The following GTF2F2 variants were observed in gnomAD, a reference collection of about 807,000 sequenced individuals.
The protein encoded by GTF2F2 is general transcription factor IIF subunit 2, also known as ATP-dependent helicase GTF2F2.
GTF2F2 carries 23 observed loss-of-function variants against 42.2 expected under a neutral mutation model. That is an observed-to-expected ratio of 0.55 (90% CI 0.39 to 0.77). The LOEUF (loss-of-function observed/expected upper bound fraction) is 0.77. Among genes scored for constraint, GTF2F2 ranks in the 30% least tolerant of loss-of-function variants. GTF2F2 has a pLI of 0.00. For synonymous variants in GTF2F2, 105 were observed against 100.8 expected (o/e 1.04, Z -0.25); for missense variants, 261 against 287.2 (o/e 0.91, Z 0.66).
intron 4 of GTF2F2, among the ~76,000 whole-genome samples, chr13:45,169,450 T>C (rs976214213): frequency 2.6e-5 from 4 of 152,156 alleles, no homozygotes; most frequent in Non-Finnish European, 4.4e-5. Flanking sequence ...CCCAGTACTA[T>C]GAGAAAATAC....
At chr13:45,256,016 C>T (rs1409259486) in intron 6 of GTF2F2, among the ~76,000 whole-genome samples, 2 of 152,146 alleles carry the variant, frequency 1.3e-5, no homozygotes, top group Non-Finnish European at 2.9e-5. Flanking sequence ...AATAATGCTT[C>T]TCTCTATTAT....
rs571614649 is a variant in GTF2F2, at chr13:45,205,532, G to T, written c.305-1892G>T. Among the ~76,000 whole-genome samples, 5 of 152,234 alleles carry T rather than the reference G, an allele frequency of 3.3e-5. No individual in the cohort carries two copies. In the East Asian group the frequency reaches 9.7e-4, roughly 29 times the overall value. The stretch of plus-strand genomic sequence containing the variant: ...AGTCTAGATTTATTTTATTTATTTA[G>T]TTTTTTGAGACGGAGTCTTGCTCTG... On this transcript the variant is annotated intron_variant, in intron 4 of 7. Coordinates refer to ENST00000340473, the MANE Select transcript of GTF2F2 (RefSeq NM_004128.3).
chr13:45,163,852 T>C (rs1263537435), intron 4 of GTF2F2, among the ~76,000 whole-genome samples: 2 of 152,192 alleles, frequency 1.3e-5, no homozygotes, highest in Non-Finnish European at 2.9e-5. Flanking sequence ...TTTTATCACT[T>C]AGAAATGTAG....
At position 45,155,611 on chromosome 13, in the gene GTF2F2, A is replaced by G. The variant is rs144838515; in HGVS notation, c.304+3780A>G. Among the ~76,000 whole-genome samples the G allele has an allele frequency of 1.4e-3, 207 of 152,332 alleles. 2 individuals carry two copies. Among genetic ancestry groups the G allele is most frequent in the Non-Finnish European group, 2.0e-3 (133 of 68,036 alleles). On this transcript the variant is annotated intron_variant, in intron 4 of 7. Transcript: ENST00000340473. ...TATACAGTGTTTTCTCATTAATTAA[A>G]ATAATCTGCATGTCATCAACATTTT...
intron 4 of GTF2F2, among the ~76,000 whole-genome samples, chr13:45,154,702 A>C (rs921063328): frequency 8.5e-5 from 13 of 152,326 alleles, no homozygotes; most frequent in Non-Finnish European, 1.5e-4. Context: ...ATATGAATAC[A>C]TTTAAACACT....
Position 45,143,411 on chromosome 13 carries a change from A to C in GTF2F2, c.141-6359A>C, listed in dbSNP as rs114645814. On this transcript the variant is annotated intron_variant, in intron 2 of 7. Coordinates refer to ENST00000340473, the MANE Select transcript of GTF2F2 (RefSeq NM_004128.3). ...TACCCTATCACTTACTAGCTATGTG[A>C]CTTTGCGTAAATTGTTTACTCTGTT... Among the ~76,000 whole-genome samples the C allele has an allele frequency of 6.4e-3, 971 of 152,288 alleles. 10 individuals carry two copies. The highest frequency in any genetic ancestry group is 0.022 in the African/African-American group (932 of 41,538).
intron 5 of GTF2F2, among the ~76,000 whole-genome samples, chr13:45,221,117 A>T (rs558888708): frequency 2.0e-5 from 3 of 152,180 alleles, no homozygotes; most frequent in African/African-American, 4.8e-5. Context: ...TTAACTTCAC[A>T]TGCGTAAAAT....
At chr13:45,126,245 C>CTTTTTTTTTTT (rs11383296) in intron 1 of GTF2F2, among the ~76,000 whole-genome samples, 1 of 100,642 alleles carries the variant, frequency 9.9e-6, no homozygotes, top group African/African-American at 4.4e-5. Context: ...GGAAGAACGA[C>CTTTTTTTTTTT]TTTTTTTTTT....
chr13:45,129,194 A>G (rs1869207448), intron 1 of GTF2F2, among the ~76,000 whole-genome samples: 1 of 152,110 alleles, frequency 6.6e-6, no homozygotes, highest in African/African-American at 2.4e-5. Flanking sequence ...GTCCTACTCT[A>G]CTATTTGCAT....
intron 5 of GTF2F2, among the ~76,000 whole-genome samples, chr13:45,213,462 C>A (rs1873776527): frequency 6.6e-6 from 1 of 152,172 alleles, no homozygotes; most frequent in African/African-American, 2.4e-5. Flanking sequence ...CTCAGGAAAA[C>A]CTCCTTATAG....
chr13:45,125,072 A>T (rs1868910945), intron 1 of GTF2F2, among the ~76,000 whole-genome samples: 1 of 152,212 alleles, frequency 6.6e-6, no homozygotes. Flanking sequence ...GGAATGGGTG[A>T]TACCCTAAAG....
chr13:45,179,968 G>A (rs1872069481), intron 4 of GTF2F2, among the ~76,000 whole-genome samples: 1 of 150,260 alleles, frequency 6.7e-6, no homozygotes, highest in Non-Finnish European at 1.5e-5. Context: ...GGGTGTAGAT[G>A]TGGGTGAAGA....
intron 4 of GTF2F2, among the ~76,000 whole-genome samples, chr13:45,188,532 T>C (rs1165573577): frequency 1.3e-5 from 2 of 152,218 alleles, no homozygotes; most frequent in Non-Finnish European, 2.9e-5. Flanking sequence ...AGATAATAAT[T>C]AGTGCTTTAT....
chr13:45,153,282 T>C (rs1377340754), intron 4 of GTF2F2, among the ~76,000 whole-genome samples: 3 of 151,436 alleles, frequency 2.0e-5, no homozygotes, highest in African/African-American at 4.9e-5. Flanking sequence ...CCTCCCGGAG[T>C]GCTGGGATTA....
In GTF2F2 at chr13:45,237,948, CTGTT is replaced by C. The variant is rs58903659; in HGVS notation, c.387-14905_387-14902del. Among the ~76,000 whole-genome samples, 769 of 151,148 alleles carry C rather than the reference CTGTT, an allele frequency of 5.1e-3. 9 individuals are homozygous for C. Among genetic ancestry groups the C allele is most frequent in the African/African-American group, 0.017 (698 of 41,038 alleles). ...TTGGAGTTAGAGTTTGAAAAGGTTTCTGTTTGTTTGTTTGTTTGTTTTTGAGATG... is the reference window on the plus strand; with the variant it reads ...TTGGAGTTAGAGTTTGAAAAGGTTTCTGTTTGTTTGTTTGTTTTTGAGATG... On this transcript the variant is annotated intron_variant, in intron 5 of 7. Coordinates refer to ENST00000340473, the MANE Select transcript of GTF2F2 (RefSeq NM_004128.3).
At position 45,242,872 on chromosome 13, in the gene GTF2F2, C is replaced by T. The variant is rs148909004; in HGVS notation, c.387-9999C>T. Among the ~76,000 whole-genome samples, 411 of 152,268 alleles carry T rather than the reference C, an allele frequency of 2.7e-3. 2 individuals carry two copies. Among genetic ancestry groups the T allele is most frequent in the African/African-American group, 9.6e-3 (398 of 41,548 alleles). ...TGACTAAAACTTACAGATTTCTCTT[C>T]CAAATCTGCCAGCAGTTTAGATTGA... On this transcript the variant is annotated intron_variant, in intron 5 of 7. Coordinates refer to ENST00000340473, the MANE Select transcript of GTF2F2 (RefSeq NM_004128.3).
chr13:45,255,081 G>A (rs970828942), intron 6 of GTF2F2, among the ~76,000 whole-genome samples: 1 of 146,616 alleles, frequency 6.8e-6, no homozygotes, highest in Non-Finnish European at 1.5e-5. Flanking sequence ...CAGGAGAATC[G>A]CCTGAACCCA....
intron 4 of GTF2F2, among the ~76,000 whole-genome samples, chr13:45,195,895 A>G (rs1005275803): frequency 6.6e-6 from 1 of 152,182 alleles, no homozygotes; most frequent in Non-Finnish European, 1.5e-5. Context: ...GATTCAGGTG[A>G]TCTGCCCACC....
chr13:45,198,348 C>T (rs1193252640), intron 4 of GTF2F2, among the ~76,000 whole-genome samples: 1 of 152,204 alleles, frequency 6.6e-6, no homozygotes, highest in Non-Finnish European at 1.5e-5. Context: ...GAGATACTCC[C>T]ATGCCATGGA....
Sources: gnomAD v4.1 joint callset for allele counts (sites outside exome capture counted in the v4.1 genomes callset) on GRCh38, gnomAD v4.1.1 for gene constraint, MANE v1.5 for transcripts, NCBI Gene and HGNC (gene_info 2026-07-23, HGNC 2026-07-21) for gene names.